Variants in GARRE1 observed in about 807,000 individuals in gnomAD.
GARRE1 encodes the protein granule associated Rac and RHOG effector protein 1.
GARRE1 carries 49 observed loss-of-function variants against 103.2 expected under a neutral mutation model. The observed-to-expected ratio is 0.47, with a 90% confidence interval of 0.38 to 0.60. The LOEUF is 0.60. Among genes scored for constraint, GARRE1 ranks in the 20% least tolerant of loss-of-function variants. The pLI, the probability that GARRE1 is intolerant of heterozygous loss-of-function variation, is 0.00. For missense variants in GARRE1, 1,199 were observed against 1,370.5 expected (o/e 0.87, Z 1.98); for synonymous variants, 505 against 532.8 (o/e 0.95, Z 0.72).
intron 1 of GARRE1, among the ~76,000 whole-genome samples, chr19:34,281,020 T>C (rs964573615): frequency 6.6e-6 from 1 of 152,154 alleles, no homozygotes; most frequent in Non-Finnish European, 1.5e-5. Context: ...TTACTTCCAA[T>C]TCAAATGAAG....
chr19:34,345,435 G>A (rs1197938925), intron 10 of GARRE1, among the ~76,000 whole-genome samples: 1 of 152,252 alleles, frequency 6.6e-6, no homozygotes, highest in African/African-American at 2.4e-5. Context: ...TGTGGGCACA[G>A]TGCGTTTTCT....
At chr19:34,262,002 G>T (rs2073721295) in intron 1 of GARRE1, among the ~76,000 whole-genome samples, 3 of 151,088 alleles carry the variant, frequency 2.0e-5, no homozygotes, top group South Asian at 2.1e-4. Flanking sequence ...CTTTTTTTTT[G>T]AAATGGAATC....
rs1258834994 is a variant in GARRE1 at position 34,314,175 on chromosome 19, A to AT, written c.496-5726dup. ...ACTCAGTTATCTTGAGTGGCCTTTC[A>AT]TTTTTTCCCTGGATGATATTTTGTA... On this transcript the variant is annotated intron_variant, in intron 2 of 13. Transcript: ENST00000299505. 5.9e-5 allele frequency among the ~76,000 whole-genome samples: 9 copies of AT among 152,088 alleles called. No individual in the cohort carries two copies. The South Asian group carries it at 1.0e-3, about 18-fold the overall frequency.
intron 1 of GARRE1, among the ~76,000 whole-genome samples, chr19:34,280,702 TA>T (rs2073846547): frequency 6.6e-6 from 1 of 152,178 alleles, no homozygotes; most frequent in Non-Finnish European, 1.5e-5. Context: ...GTTGTCCCAT[TA>T]TTGATCGTTA....
At chr19:34,274,625 A>G (rs1035983616) in intron 1 of GARRE1, among the ~76,000 whole-genome samples, 2 of 152,172 alleles carry the variant, frequency 1.3e-5, no homozygotes, top group Non-Finnish European at 2.9e-5. Flanking sequence ...GGAGCACAGG[A>G]CAAAGATCTG....
chr19:34,310,141 A>G (rs945802499), intron 2 of GARRE1, among the ~76,000 whole-genome samples: 1 of 152,236 alleles, frequency 6.6e-6, no homozygotes, highest in Non-Finnish European at 1.5e-5. Flanking sequence ...TGGTGGGCAG[A>G]TTAGAAGGAA....
intron 8 of GARRE1, 132 bp from the exon 9 acceptor site, chr19:34,339,735 T>A (rs773094175): frequency 9.7e-7 from 1 of 1,034,362 alleles, no homozygotes; most frequent in Non-Finnish European, 1.5e-6. Flanking sequence ...GTTCTCTCCA[T>A]GTTCTTACAG....
intron 6 of GARRE1, among the ~76,000 whole-genome samples, chr19:34,328,699 C>T (rs528340308): frequency 6.6e-6 from 1 of 152,032 alleles, no homozygotes; most frequent in South Asian, 2.1e-4. Flanking sequence ...CCTTCACCTC[C>T]TGGGTTCAAG....
intron 1 of GARRE1, among the ~76,000 whole-genome samples, chr19:34,271,373 C>T (rs2073786692): frequency 6.6e-6 from 1 of 151,704 alleles, no homozygotes; most frequent in African/African-American, 2.4e-5. Flanking sequence ...CTCAGCCTCC[C>T]TAGTAGCTGG....
At chr19:34,318,405 A>G (rs1353568939) in intron 2 of GARRE1, among the ~76,000 whole-genome samples, 1 of 152,222 alleles carries the variant, frequency 6.6e-6, no homozygotes, top group African/African-American at 2.4e-5. Flanking sequence ...GTAAAAAGCA[A>G]TGGCTATAGT....
rs1035814968 is a variant in GARRE1, at chr19:34,355,519, A to G, written c.*2564A>G. On this transcript the variant is annotated 3_prime_UTR_variant, in exon 14 of 14. Transcript: ENST00000299505. ...ACATTTTGTATCTTTTAAAGCTCCT[A>G]TAAGTAAAATAACTATTGGCTTTAT... 2.6e-5 allele frequency: 4 copies of G among 152,664 alleles called. No individual in the cohort carries two copies. Among genetic ancestry groups the G allele is most frequent in the Non-Finnish European group, 5.9e-5 (4 of 68,046 alleles). 9.5% of individuals were successfully genotyped at this position (152,664 alleles called of 1,614,324 possible).
chr19:34,345,012 G>T (rs2074204735), intron 10 of GARRE1, among the ~76,000 whole-genome samples: 1 of 152,124 alleles, frequency 6.6e-6, no homozygotes, highest in African/African-American at 2.4e-5. Context: ...CTAATTTTTT[G>T]TATTTTTCAT....
chr19:34,296,818 T>C (rs1432258556), intron 1 of GARRE1, among the ~76,000 whole-genome samples: 1 of 152,084 alleles, frequency 6.6e-6, no homozygotes, highest in Non-Finnish European at 1.5e-5. Flanking sequence ...AGGGCTTTGT[T>C]TTATTTTTGG....
intron 1 of GARRE1, among the ~76,000 whole-genome samples, chr19:34,262,429 G>A (rs768687033): frequency 7.3e-5 from 11 of 150,882 alleles, no homozygotes; most frequent in Admixed American, 1.3e-4. Context: ...CCAAGTAGCT[G>A]GGATTACAGG....
At chr19:34,294,032 G>A (rs1449082423) in intron 1 of GARRE1, among the ~76,000 whole-genome samples, 1 of 151,868 alleles carries the variant, frequency 6.6e-6, no homozygotes, top group African/African-American at 2.4e-5. Context: ...AAAGTGCTGG[G>A]ATTACAGGTG....
In GARRE1 at chr19:34,304,200, T is replaced by C. The variant is rs1262625185; in HGVS notation, c.495+3232T>C. ...CTGCCTCCTGGGTTGAAGCAATTCT[T>C]ATGTCTCAGCCTCCCAAGTAGCTGG... On this transcript the variant is annotated intron_variant, in intron 2 of 13. Coordinates refer to ENST00000299505, the MANE Select transcript of GARRE1 (RefSeq NM_014686.5). 2.0e-5 allele frequency among the ~76,000 whole-genome samples: 3 copies of C among 151,894 alleles called. No individual in the cohort carries two copies. In the East Asian group the frequency reaches 5.8e-4, roughly 29 times the overall value.
chr19:34,312,115 C>A (rs1329119663), intron 2 of GARRE1, among the ~76,000 whole-genome samples: 1 of 152,032 alleles, frequency 6.6e-6, no homozygotes, highest in Admixed American at 6.6e-5. Flanking sequence ...CATGCCTGGC[C>A]TGTTTCTGTT....
intron 2 of GARRE1, among the ~76,000 whole-genome samples, chr19:34,313,574 G>T (rs2074046611): frequency 6.6e-6 from 1 of 152,134 alleles, no homozygotes; most frequent in Non-Finnish European, 1.5e-5. Context: ...TGAGGATAAT[G>T]TTCATGGAGA....
chr19:34,273,439 T>C (rs189668370), intron 1 of GARRE1, among the ~76,000 whole-genome samples: 1 of 152,332 alleles, frequency 6.6e-6, no homozygotes, highest in Non-Finnish European at 1.5e-5. Flanking sequence ...TTCTAGCATC[T>C]AACTACTGCC....
Sources: gnomAD v4.1 joint callset for allele counts (sites outside exome capture counted in the v4.1 genomes callset) on GRCh38, gnomAD v4.1.1 for gene constraint, MANE v1.5 for transcripts, NCBI Gene and HGNC (gene_info 2026-07-23, HGNC 2026-07-21) for gene names.